F2RL1: variants seen among roughly 807,000 people sequenced by gnomAD.
F2RL1 encodes proteinase-activated receptor 2.
F2RL1 carries 16 observed loss-of-function variants against 21.7 expected under a neutral mutation model. The ratio of observed to expected loss-of-function variants is 0.74; its 90% CI spans 0.50 to 1.12. F2RL1 has a LOEUF of 1.12. Among genes scored for constraint, F2RL1 ranks in the 50% most tolerant of loss-of-function variants. The pLI is 0.00. For missense variants in F2RL1, 432 were observed against 477.8 expected, an observed-to-expected ratio of 0.90 and a Z score of 0.89; for synonymous variants, 181 against 186.7, an observed-to-expected ratio of 0.97 and a Z score of 0.25.
intron 1 of F2RL1, among the ~76,000 whole-genome samples, chr5:76,829,234 T>G (rs1750302550): frequency 6.7e-6 from 1 of 149,750 alleles, no homozygotes; most frequent in African/African-American, 2.5e-5. Flanking sequence ...CCTCCACACC[T>G]TTTTTTTACC....
At chr5:76,820,871 T>G (rs1401255460) in intron 1 of F2RL1, among the ~76,000 whole-genome samples, 2 of 152,184 alleles carry the variant, frequency 1.3e-5, no homozygotes, top group Non-Finnish European at 2.9e-5. Context: ...CATACTTTTA[T>G]TCCCTTGCAA....
intron 1 of F2RL1, among the ~76,000 whole-genome samples, chr5:76,827,185 T>C (rs565221363): frequency 3.3e-4 from 50 of 151,462 alleles, no homozygotes; most frequent in African/African-American, 1.2e-3. Flanking sequence ...CAGTGCTATA[T>C]TATAATGCTG....
intron 1 of F2RL1, among the ~76,000 whole-genome samples, chr5:76,825,608 G>A (rs1750225194): frequency 6.6e-6 from 1 of 152,156 alleles, no homozygotes; most frequent in Admixed American, 6.6e-5. Context: ...CCTCAACTCT[G>A]TGAAATAGAA....
Position 76,833,450 on chromosome 5 carries a change from A to G in F2RL1, c.843A>G (p.Lys281=), listed in dbSNP as rs760097382. 6.2e-7 allele frequency: 1 copy of G among 1,613,730 alleles called. No individual in the cohort carries two copies. The highest frequency in any genetic ancestry group is 8.5e-7 in the Non-Finnish European group (1 of 1,179,978). The change falls in exon 2 of 2, where the codon AAA becomes AAG. Residue 281 remains lysine, a synonymous_variant. Coordinates refer to ENST00000296677, the MANE Select transcript of F2RL1 (RefSeq NM_005242.6). ...CCATGGATGAAAACTCAGAGAAGAAAAGGAAGAGGGCCATCAAACTCATTG... is the reference window on the plus strand; with the variant it reads ...CCATGGATGAAAACTCAGAGAAGAAGAGGAAGAGGGCCATCAAACTCATTG... ...SSAMDENSEK[K]RKRAIKLIVT...
chr5:76,822,229 T>C lies in F2RL1; in HGVS notation c.82+2965T>C, dbSNP rs80210761. 2.0e-4 allele frequency among the ~76,000 whole-genome samples: 30 copies of C among 152,126 alleles called. No homozygotes were observed. In the South Asian group the frequency reaches 2.3e-3, roughly 12 times the overall value. On this transcript the variant is annotated intron_variant, in intron 1 of 1. Coordinates refer to ENST00000296677, the MANE Select transcript of F2RL1 (RefSeq NM_005242.6). ...ACATGTGGTATTTCCATTTTTTTTT[T>C]CCCCCTGAGATAGAATCTCACTCTG...
Position 76,832,809 on chromosome 5 carries a change from G to A in F2RL1, c.202G>A (p.Val68Ile), listed in dbSNP as rs757902001. 8 of 1,614,222 alleles carry A rather than the reference G, an allele frequency of 5.0e-6. No homozygotes were observed. Among genetic ancestry groups the A allele is most frequent in the Admixed American group, 1.7e-5 (1 of 60,022 alleles). The change falls in exon 2 of 2, where the codon GTC becomes ATC. Residue 68 changes from valine (V) to isoleucine (I), a missense_variant. Transcript: ENST00000296677. ...VFSVDEFSAS[V>I]LTGKLTTVFL... ...TTCTGTGGATGAGTTTTCTGCATCT[G>A]TCCTCACTGGAAAACTGACCACTGT... is the stretch of plus-strand genomic sequence containing the variant.
At chr5:76,824,529 A>G (rs1272579721) in intron 1 of F2RL1, among the ~76,000 whole-genome samples, 1 of 151,272 alleles carries the variant, frequency 6.6e-6, no homozygotes, top group Non-Finnish European at 1.5e-5. Flanking sequence ...GGGTTTCACC[A>G]TGTTGGCCAC....
In F2RL1 at chr5:76,833,424, G is replaced by A. The variant is rs373708895; in HGVS notation, c.817G>A (p.Ala273Thr). 5.2e-5 allele frequency: 84 copies of A among 1,613,650 alleles called. No individual in the cohort carries two copies. Among genetic ancestry groups the A allele is most frequent in the Non-Finnish European group, 6.7e-5 (79 of 1,180,010 alleles). Residue 273 changes from alanine to threonine, a missense_variant, in exon 2 of 2, where the codon GCC (alanine) becomes ACC (threonine). Physicochemically the swap from Ala to Thr is moderately conservative, Grantham distance 58 (BLOSUM62 0). Transcript: ENST00000296677. ...GATGATCAGAATGCTGCGATCTTCT[G>A]CCATGGATGAAAACTCAGAGAAGAA... is the stretch of plus-strand genomic sequence containing the variant. ...VLMIRMLRSS[A>T]MDENSEKKRK...
chr5:76,820,854 C>A (rs1221081358), intron 1 of F2RL1, among the ~76,000 whole-genome samples: 1 of 152,152 alleles, frequency 6.6e-6, no homozygotes, highest in Non-Finnish European at 1.5e-5. Flanking sequence ...CCTCATCCTC[C>A]CCCCACCATA....
At chr5:76,824,010 A>T (rs1228147252) in intron 1 of F2RL1, among the ~76,000 whole-genome samples, 1 of 150,596 alleles carries the variant, frequency 6.6e-6, no homozygotes, top group African/African-American at 2.4e-5. Context: ...GACAGGGTTT[A>T]ACCGTGTTAG....
intron 1 of F2RL1, among the ~76,000 whole-genome samples, chr5:76,821,041 C>T (rs1181443215): frequency 1.3e-5 from 2 of 152,126 alleles, no homozygotes; most frequent in Non-Finnish European, 1.5e-5. Flanking sequence ...GCTTTTTAGC[C>T]GGTCCTTCTG....
chr5:76,826,517 CTT>C (rs747365797), intron 1 of F2RL1, among the ~76,000 whole-genome samples: 20 of 144,946 alleles, frequency 1.4e-4, no homozygotes, highest in Middle Eastern at 3.6e-3. Flanking sequence ...TGTATCAGTA[CTT>C]TTTTTTTTTT....
At position 76,832,868 on chromosome 5, in the gene F2RL1, G is replaced by C. The variant is rs997300892; in HGVS notation, c.261G>C (p.Val87=). ...CAATTGTCTACACAATTGTGTTTGT[G>C]GTGGGTTTGCCAAGTAACGGCATGG... ...FLPIVYTIVF[V]VGLPSNGMAL... Residue 87 remains valine, a synonymous_variant, in exon 2 of 2, where the codon GTG becomes GTC. Coordinates refer to ENST00000296677, the MANE Select transcript of F2RL1 (RefSeq NM_005242.6). The C allele has an allele frequency of 4.3e-6, 7 of 1,614,082 alleles. No homozygotes were observed. Among genetic ancestry groups the C allele is most frequent in the Admixed American group, 1.7e-5 (1 of 59,994 alleles).
chr5:76,824,358 G>C (rs936072701), intron 1 of F2RL1, among the ~76,000 whole-genome samples: 1 of 150,278 alleles, frequency 6.7e-6, no homozygotes, highest in African/African-American at 2.4e-5. Context: ...CCCAGATGAA[G>C]TCTTGCTCTG....
At chr5:76,824,535 G>A (rs1244246559) in intron 1 of F2RL1, among the ~76,000 whole-genome samples, 2 of 151,748 alleles carry the variant, frequency 1.3e-5, no homozygotes, top group Non-Finnish European at 2.9e-5. Flanking sequence ...CACCATGTTG[G>A]CCACGCTGAT....
At chr5:76,831,119 G>T (rs989406690) in intron 1 of F2RL1, among the ~76,000 whole-genome samples, 6 of 152,066 alleles carry the variant, frequency 3.9e-5, no homozygotes, top group African/African-American at 1.4e-4. Flanking sequence ...TTTCTTTGTG[G>T]TTTTTAGGTC....
chr5:76,824,157 A>ACCC (rs1431155066), intron 1 of F2RL1, among the ~76,000 whole-genome samples: 14 of 52,326 alleles, frequency 2.7e-4, no homozygotes, highest in African/African-American at 8.1e-4. Context: ...CCTCCCCACC[A>ACCC]CACCCCCCCC....
intron 1 of F2RL1, among the ~76,000 whole-genome samples, chr5:76,828,026 A>G (rs1025597327): frequency 6.6e-6 from 1 of 151,836 alleles, no homozygotes; most frequent in African/African-American, 2.4e-5. Context: ...CTGGAGTGCA[A>G]TGGCGTGATC....
chr5:76,822,162 C>A (rs1195701815), intron 1 of F2RL1, among the ~76,000 whole-genome samples: 1 of 152,078 alleles, frequency 6.6e-6, no homozygotes, highest in Non-Finnish European at 1.5e-5. Flanking sequence ...CAAAATGTTA[C>A]AGAAGGATGC....
Sources: allele counts gnomAD v4.1 joint callset (sites outside exome capture counted in the v4.1 genomes callset), GRCh38; gene constraint gnomAD v4.1.1; transcripts MANE v1.5; gene names NCBI Gene and HGNC (gene_info 2026-07-23, HGNC 2026-07-21).